SHISA9: variants seen among roughly 807,000 people sequenced by gnomAD.
SHISA9 encodes the protein shisa family member 9, also known as protein shisa-9.
Under a neutral mutation model 38.0 loss-of-function variants are expected in SHISA9, and 13 were observed. That is an observed-to-expected ratio of 0.34 (90% confidence interval 0.22 to 0.54). The LOEUF (loss-of-function observed/expected upper bound fraction) is 0.54. SHISA9 is among the 20% of genes least tolerant of loss of function. The pLI, the probability that SHISA9 is intolerant of heterozygous loss-of-function variation, is 0.91. For missense variants in SHISA9, 538 were observed against 575.8 expected (o/e 0.93, Z 0.67); for synonymous variants, 275 against 242.0 (o/e 1.14, Z -1.27).
chr16:13,148,689 G>GCGTGCACA (rs6145754), intron 2 of SHISA9, among the ~76,000 whole-genome samples: 1 of 132,442 alleles, frequency 7.6e-6, no homozygotes, highest in African/African-American at 3.2e-5. Flanking sequence ...ACATACACAA[G>GCGTGCACA]CACACACACA....
rs142204053 is a variant in SHISA9, at chr16:12,948,187, T to G, written c.691+31372T>G. 5.3e-5 allele frequency among the ~76,000 whole-genome samples: 8 copies of G among 152,336 alleles called. No homozygotes were observed. The East Asian group carries it at 1.3e-3, about 26-fold the overall frequency. On this transcript the variant is annotated intron_variant, in intron 2 of 4. Transcript: ENST00000558583. ...TTTTACATATCTGAAAATTGAAGTT[T>G]AGAGATGTCTACTCATTTGCTCAGG...
chr16:13,366,982 C>CAAAAA, the SHISA9 span, among the ~76,000 whole-genome samples: 6 of 92,506 alleles, frequency 6.5e-5, no homozygotes, highest in Non-Finnish European at 1.1e-4. Flanking sequence ...GGCTCCATCT[C>CAAAAA]AAAAAAAAAA....
chr16:13,494,233 C>T, the SHISA9 span, among the ~76,000 whole-genome samples: 5 of 152,166 alleles, frequency 3.3e-5, no homozygotes, highest in Non-Finnish European at 4.4e-5. Context: ...TCTCCTCTGC[C>T]CACACTCAAA....
intron 2 of SHISA9, among the ~76,000 whole-genome samples, chr16:13,019,866 CCCTCCCTCCCTCCCTCCCTT>C (rs1163576821): frequency 0.024 from 791 of 33,200 alleles, 27 homozygotes; most frequent in East Asian, 0.05. Context: ...CTCCCTCCCT[CCCTCCCTCCCTCCCTCCCTT>C]CTTTCTTTCT....
Position 13,235,605 on chromosome 16 carries a change from T to G in SHISA9, c.*196T>G. On this transcript the variant is annotated 3_prime_UTR_variant, in exon 5 of 5. Coordinates refer to ENST00000558583, the MANE Select transcript of SHISA9 (RefSeq NM_001145204.3). Reference sequence around the variant, plus strand: ...TGCCTGTAACGTGTCGGCGGGCAGCTGAGAAAGACCGAAGCGTGGACATTC... The same window carrying G: ...TGCCTGTAACGTGTCGGCGGGCAGCGGAGAAAGACCGAAGCGTGGACATTC... 1.5e-6 allele frequency: 1 copy of G among 658,438 alleles called. No individual in the cohort carries two copies. Among genetic ancestry groups the G allele is most frequent in the Non-Finnish European group, 2.5e-6 (1 of 404,846 alleles). 40.8% of individuals were successfully genotyped at this position (658,438 alleles called of 1,614,324 possible).
chr16:13,545,802 CGCTTCT>C, the SHISA9 span, among the ~76,000 whole-genome samples: 1 of 152,146 alleles, frequency 6.6e-6, no homozygotes, highest in Admixed American at 6.6e-5. Context: ...GGTCCCGATC[CGCTTCT>C]ACTATCACAC....
intron 2 of SHISA9, among the ~76,000 whole-genome samples, chr16:12,964,962 T>A (rs1207879608): frequency 6.6e-6 from 1 of 152,200 alleles, no homozygotes; most frequent in East Asian, 1.9e-4. Flanking sequence ...TTTCTCCTAG[T>A]AGATGTTTAG....
At chr16:13,058,449 A>T (rs1463024319) in intron 2 of SHISA9, among the ~76,000 whole-genome samples, 1 of 152,200 alleles carries the variant, frequency 6.6e-6, no homozygotes, top group East Asian at 1.9e-4. Flanking sequence ...CTGAGCCATG[A>T]GGCTCTTTAC....
chr16:13,222,753 G>A lies in SHISA9; in HGVS notation c.895+9453G>A, dbSNP rs139802506. 4.5e-3 allele frequency among the ~76,000 whole-genome samples: 673 copies of A among 150,566 alleles called. 6 individuals are homozygous for A. The highest frequency in any genetic ancestry group is 0.015 in the African/African-American group (619 of 41,020). ...TCTGAGTTTTCGCAAGCCTTGTCTCGTTTACTTCTACACTGCACTCCACAA... is the reference window on the plus strand; with the variant it reads ...TCTGAGTTTTCGCAAGCCTTGTCTCATTTACTTCTACACTGCACTCCACAA... On this transcript the variant is annotated intron_variant, in intron 4 of 4. Transcript: ENST00000558583.
At chr16:13,291,856 A>G in the SHISA9 span, among the ~76,000 whole-genome samples, 4 of 152,018 alleles carry the variant, frequency 2.6e-5, no homozygotes, top group Admixed American at 2.0e-4. Flanking sequence ...TGCAGCCTTG[A>G]CTCTGAACTG....
the SHISA9 span, among the ~76,000 whole-genome samples, chr16:13,360,007 G>A: frequency 1.4e-4 from 22 of 152,266 alleles, 1 homozygote; most frequent in South Asian, 2.3e-3. Flanking sequence ...ATGGAAAGCC[G>A]TCCACCTGAG....
intron 2 of SHISA9, among the ~76,000 whole-genome samples, chr16:13,085,922 A>G (rs1006376385): frequency 1.3e-5 from 2 of 152,214 alleles, no homozygotes; most frequent in East Asian, 1.9e-4. Flanking sequence ...TGAAAGAAAC[A>G]ATAAAATAAG....
chr16:13,069,424 A>G (rs941408126), intron 2 of SHISA9, among the ~76,000 whole-genome samples: 3 of 149,566 alleles, frequency 2.0e-5, no homozygotes, highest in South Asian at 2.1e-4. Flanking sequence ...ATGTGTGTGT[A>G]TGTGTATGTG....
downstream of SHISA9, among the ~76,000 whole-genome samples, chr16:13,245,290 A>G (rs1169280001): frequency 6.6e-6 from 1 of 152,038 alleles, no homozygotes. Flanking sequence ...GACATGATAT[A>G]TTTTCTCCCA....
intron 2 of SHISA9, among the ~76,000 whole-genome samples, chr16:12,974,288 A>G (rs1326383938): frequency 6.6e-6 from 1 of 152,086 alleles, no homozygotes; most frequent in Non-Finnish European, 1.5e-5. Context: ...AATTTCTCTA[A>G]AATTTTATCC....
intron 2 of SHISA9, among the ~76,000 whole-genome samples, chr16:12,959,547 G>A (rs556259426): frequency 1.3e-5 from 2 of 152,266 alleles, no homozygotes; most frequent in African/African-American, 2.4e-5. Context: ...GCTCAGACTC[G>A]AGAAAAAACA....
the SHISA9 span, among the ~76,000 whole-genome samples, chr16:13,497,003 G>A: frequency 2.6e-5 from 4 of 152,070 alleles, no homozygotes; most frequent in African/African-American, 9.7e-5. Flanking sequence ...TTGCTTCAAA[G>A]CTTAATACAA....
At chr16:13,349,384 T>C in the SHISA9 span, among the ~76,000 whole-genome samples, 2 of 152,164 alleles carry the variant, frequency 1.3e-5, no homozygotes, top group Non-Finnish European at 2.9e-5. Context: ...GTTGAAGTGA[T>C]AGGGGACAGA....
At chr16:13,164,003 C>A (rs1160554427) in intron 2 of SHISA9, among the ~76,000 whole-genome samples, 1 of 151,888 alleles carries the variant, frequency 6.6e-6, no homozygotes, top group Non-Finnish European at 1.5e-5. Flanking sequence ...TGGATAGAAC[C>A]TCTAGTAAAA....
Sources: gnomAD v4.1 joint callset for allele counts (sites outside exome capture counted in the v4.1 genomes callset) on GRCh38, gnomAD v4.1.1 for gene constraint, MANE v1.5 for transcripts, NCBI Gene and HGNC (gene_info 2026-07-23, HGNC 2026-07-21) for gene names.